Variants in MIA2 observed in about 807,000 individuals in gnomAD.
MIA2 encodes the protein melanoma inhibitory activity protein 2.
In MIA2, 127 loss-of-function variants were observed where a neutral mutation model predicts 167.8. That is an observed-to-expected ratio of 0.76 (90% CI 0.66 to 0.88). The LOEUF (loss-of-function observed/expected upper bound fraction) is 0.88. Among genes scored for constraint, MIA2 ranks in the 40% least tolerant of loss-of-function variants. MIA2 has a pLI of 0.00. For missense variants in MIA2, 1,690 were observed against 1,624.7 expected (o/e 1.04, Z -0.69); for synonymous variants, 552 against 541.9 (o/e 1.02, Z -0.26).
chr14:39,279,277 A>T (rs2058593347), intron 7 of MIA2, 60 bp from the exon 8 acceptor site: 13 of 1,468,736 alleles, frequency 8.9e-6, no homozygotes, highest in Non-Finnish European at 1.2e-5. Flanking sequence ...ACGTTAAATG[A>T]ATTGATTTAC....
chr14:39,316,492 A>G (rs1193514601), intron 21 of MIA2, among the ~76,000 whole-genome samples: 3 of 152,212 alleles, frequency 2.0e-5, no homozygotes, highest in Non-Finnish European at 2.9e-5. Flanking sequence ...TGTGATGATT[A>G]AATTCATGTA....
rs988728048 is a variant in MIA2 at position 39,249,300 on chromosome 14, C to T, written c.1567+1159C>T. Among the ~76,000 whole-genome samples, 3 of 152,024 alleles carry T rather than the reference C, an allele frequency of 2.0e-5. No homozygotes were observed. In the East Asian group the frequency reaches 5.8e-4, roughly 29 times the overall value. On this transcript the variant is annotated intron_variant, in intron 4 of 28. Coordinates refer to ENST00000640607, the MANE Select transcript of MIA2 (RefSeq NM_001329214.4). ...GGACTACAAGTCTGCACCATTACAC[C>T]CAGCTAATTTATTTTTATATGTCGT...
In MIA2 at chr14:39,308,482, C is replaced by G; in HGVS notation, c.2912C>G (p.Ser971Cys). ...HIKNLQTEQA[S>C]LQSENTHFEN... Reference sequence around the variant, plus strand: ...AAAAATCTTCAGACTGAACAAGCATCTTTGCAGTCAGAAAACACACATTTT... The same window carrying G: ...AAAAATCTTCAGACTGAACAAGCATGTTTGCAGTCAGAAAACACACATTTT... Residue 971 changes from serine to cysteine, a missense_variant, in exon 18 of 29, where the codon TCT becomes TGT. By Grantham distance (112) the Ser-to-Cys change is moderately radical. Transcript: ENST00000640607. 6.4e-7 allele frequency: 1 copy of G among 1,561,804 alleles called. No individual in the cohort carries two copies. The highest frequency in any genetic ancestry group is 2.3e-5 in the East Asian group (1 of 42,944).
chr14:39,357,977 C>T (rs970006986), intron 23 of MIA2, among the ~76,000 whole-genome samples: 1 of 152,136 alleles, frequency 6.6e-6, no homozygotes, highest in Non-Finnish European at 1.5e-5. Context: ...TCTCTGGCTG[C>T]CCTTAACATT....
intron 6 of MIA2, chr14:39,266,554 C>T (rs1265905055): frequency 4.1e-6 from 4 of 985,522 alleles, no homozygotes; most frequent in South Asian, 4.7e-5. Context: ...GATCGAGGTT[C>T]TCTTGCGTGG....
chr14:39,322,495 A>G (rs1160535573), intron 24 of MIA2, among the ~76,000 whole-genome samples: 1 of 149,448 alleles, frequency 6.7e-6, no homozygotes, highest in Non-Finnish European at 1.5e-5. Context: ...GAGCCGAGAT[A>G]GTGCCACTGC....
intron 6 of MIA2, among the ~76,000 whole-genome samples, chr14:39,273,452 A>G (rs1433882037): frequency 1.3e-5 from 2 of 152,126 alleles, no homozygotes; most frequent in Non-Finnish European, 2.9e-5. Flanking sequence ...TCCTGGGCAC[A>G]GGTGATTCTC....
chr14:39,261,354 GTA>G (rs1418067157), intron 6 of MIA2, among the ~76,000 whole-genome samples: 3 of 152,148 alleles, frequency 2.0e-5, no homozygotes, highest in African/African-American at 7.2e-5. Flanking sequence ...ATTCCATGGT[GTA>G]TATGTGCCAC....
At chr14:39,275,608 T>G (rs900639205) in intron 6 of MIA2, among the ~76,000 whole-genome samples, 6 of 152,240 alleles carry the variant, frequency 3.9e-5, no homozygotes, top group Non-Finnish European at 7.3e-5. Context: ...GATTACACAA[T>G]TTTTGAGTTA....
chr14:39,330,751 A>G (rs2068681065), intron 25 of MIA2, among the ~76,000 whole-genome samples: 1 of 152,182 alleles, frequency 6.6e-6, no homozygotes, highest in Admixed American at 6.5e-5. Context: ...CAGGTTGTTC[A>G]GTTTCCATGT....
At chr14:39,358,656 G>T (rs574544424) in intron 23 of MIA2, among the ~76,000 whole-genome samples, 1 of 152,124 alleles carries the variant, frequency 6.6e-6, no homozygotes, top group Non-Finnish European at 1.5e-5. Flanking sequence ...AGTTTTTCTG[G>T]TCTGTTTTTC....
At chr14:39,278,094 C>T (rs2058434753) in intron 7 of MIA2, among the ~76,000 whole-genome samples, 2 of 151,982 alleles carry the variant, frequency 1.3e-5, no homozygotes, top group South Asian at 4.2e-4. Flanking sequence ...CTGCCTCAGC[C>T]TCCTGAGTAG....
At chr14:39,255,430 C>T (rs1002410406) in intron 6 of MIA2, among the ~76,000 whole-genome samples, 7 of 152,176 alleles carry the variant, frequency 4.6e-5, no homozygotes, top group Non-Finnish European at 1.0e-4. Context: ...ATTGCTTGAA[C>T]CTGGGAAGCG....
intron 25 of MIA2, among the ~76,000 whole-genome samples, chr14:39,334,037 G>A (rs1030874157): frequency 3.9e-5 from 6 of 152,208 alleles, no homozygotes; most frequent in African/African-American, 1.2e-4. Context: ...TTTATGATGA[G>A]TGAGAAGGGC....
At chr14:39,353,327 T>C (rs1459039530), downstream of MIA2, among the ~76,000 whole-genome samples, 2 of 152,204 alleles carry the variant, frequency 1.3e-5, no homozygotes, top group Non-Finnish European at 2.9e-5. Flanking sequence ...AACCAACCTC[T>C]CTTCATGTTC....
intron 3 of MIA2, among the ~76,000 whole-genome samples, chr14:39,242,735 G>T (rs1303970830): frequency 1.3e-5 from 2 of 152,184 alleles, no homozygotes; most frequent in Admixed American, 6.5e-5. Context: ...CTTATGTCAA[G>T]TTCCCTGGGA....
chr14:39,243,527 AC>A (rs1343783240), intron 3 of MIA2, among the ~76,000 whole-genome samples: 2 of 152,234 alleles, frequency 1.3e-5, no homozygotes, highest in Non-Finnish European at 2.9e-5. Context: ...GAAAAGGCAT[AC>A]AAATTTATTT....
At chr14:39,359,328 C>T (rs568475204) in intron 23 of MIA2, among the ~76,000 whole-genome samples, 8 of 152,182 alleles carry the variant, frequency 5.3e-5, no homozygotes, top group Admixed American at 1.3e-4. Flanking sequence ...AGTGAGGCTC[C>T]GTGGGCGTAG....
At chr14:39,385,571 C>A (rs867976725) in intron 23 of MIA2, 2 of 815,822 alleles carry the variant, frequency 2.5e-6, no homozygotes, top group East Asian at 2.4e-5. Context: ...TCTCTCAAGG[C>A]GGGTAAGGAT....
Sources: gnomAD v4.1 joint callset for allele counts (sites outside exome capture counted in the v4.1 genomes callset) on GRCh38, gnomAD v4.1.1 for gene constraint, MANE v1.5 for transcripts, NCBI Gene and HGNC (gene_info 2026-07-23, HGNC 2026-07-21) for gene names.